The following SSBP3 variants were observed in gnomAD, a reference collection of about 807,000 sequenced individuals.
SSBP3 encodes the protein single stranded DNA binding protein 3, also known as single-stranded DNA-binding protein 3.
Under a neutral mutation model 69.6 loss-of-function variants are expected in SSBP3, and 5 were observed. The ratio of observed to expected loss-of-function variants is 0.07; its 90% CI spans 0.04 to 0.15. The LOEUF is 0.15. Among genes scored for constraint, SSBP3 ranks in the 10% least tolerant of loss-of-function variants. The pLI is 1.00. For synonymous variants in SSBP3, 196 were observed against 193.4 expected, an observed-to-expected ratio of 1.01 and a Z score of -0.11; for missense variants, 312 against 534.0, an observed-to-expected ratio of 0.58 and a Z score of 4.10.
chr1:54,357,955 T>C (rs1324588413), intron 4 of SSBP3, among the ~76,000 whole-genome samples: 1 of 152,102 alleles, frequency 6.6e-6, no homozygotes, highest in Non-Finnish European at 1.5e-5. Context: ...ACCTACACTA[T>C]ACCATCCAGG....
At chr1:54,278,907 T>C (rs1645339674) in intron 5 of SSBP3, among the ~76,000 whole-genome samples, 1 of 152,226 alleles carries the variant, frequency 6.6e-6, no homozygotes, top group African/African-American at 2.4e-5. Context: ...GGGCCAGCAA[T>C]CAATAGCTAA....
intron 4 of SSBP3, among the ~76,000 whole-genome samples, chr1:54,390,866 G>C (rs1648438054): frequency 6.6e-6 from 1 of 152,212 alleles, no homozygotes; most frequent in Non-Finnish European, 1.5e-5. Context: ...CCTCCAGAGA[G>C]AGGAGAACAT....
At chr1:54,282,619 G>T (rs751759863) in intron 4 of SSBP3, among the ~76,000 whole-genome samples, 6 of 152,138 alleles carry the variant, frequency 3.9e-5, no homozygotes, top group Non-Finnish European at 8.8e-5. Context: ...TCTGTGCCTG[G>T]CCCCGTGCTC....
chr1:54,350,896 T>C (rs1180012992), intron 4 of SSBP3, among the ~76,000 whole-genome samples: 2 of 152,136 alleles, frequency 1.3e-5, no homozygotes, highest in African/African-American at 4.8e-5. Flanking sequence ...AGTGCAGTGG[T>C]GCAATCATAG....
chr1:54,332,988 G>A (rs1261329808), intron 4 of SSBP3, among the ~76,000 whole-genome samples: 1 of 152,194 alleles, frequency 6.6e-6, no homozygotes, highest in African/African-American at 2.4e-5. Flanking sequence ...CTGTGTCACT[G>A]TCAGCAGTTC....
chr1:54,296,093 T>C (rs1437312189), intron 4 of SSBP3, among the ~76,000 whole-genome samples: 2 of 152,262 alleles, frequency 1.3e-5, no homozygotes, highest in African/African-American at 2.4e-5. Flanking sequence ...CTGGTTCTTC[T>C]GGGACATTTC....
At chr1:54,386,561 G>A (rs1028110172) in intron 4 of SSBP3, among the ~76,000 whole-genome samples, 6 of 151,798 alleles carry the variant, frequency 4.0e-5, no homozygotes, top group Non-Finnish European at 7.4e-5. Context: ...GGGAAGCAAC[G>A]ACACAGCATC....
intron 4 of SSBP3, among the ~76,000 whole-genome samples, chr1:54,384,105 C>CAAAAAAAAAAAAAA (rs34137070): frequency 9.6e-5 from 9 of 94,112 alleles, no homozygotes; most frequent in East Asian, 3.3e-4. Flanking sequence ...GACTCCATCT[C>CAAAAAAAAAAAAAA]AAAAAAAAAA....
exon 3 of SSBP3, chr1:54,404,617 G>T (rs368484186): frequency 1.9e-6 from 3 of 1,613,892 alleles, no homozygotes; most frequent in Non-Finnish European, 2.5e-6. Flanking sequence ...CTCCCAACGT[G>T]ATGTTTTTTT....
At chr1:54,240,846 T>C (rs1209240008) in intron 13 of SSBP3, 59 bp downstream of exon 13, 9 of 1,609,692 alleles carry the variant, frequency 5.6e-6, no homozygotes, top group African/African-American at 1.3e-5. Flanking sequence ...CAGGTCTCTC[T>C]GGCAACATGC....
intron 14 of SSBP3, among the ~76,000 whole-genome samples, chr1:54,234,405 T>C (rs1194564879): frequency 1.3e-5 from 2 of 150,676 alleles, no homozygotes; most frequent in South Asian, 2.1e-4. Context: ...AGGGGCAACA[T>C]AGTGAGACCT....
intron 4 of SSBP3, among the ~76,000 whole-genome samples, chr1:54,354,662 C>CT (rs1408303473): frequency 6.6e-6 from 1 of 152,114 alleles, no homozygotes; most frequent in African/African-American, 2.4e-5. Flanking sequence ...AGTAAGTACT[C>CT]TAAGCTCCTC....
chr1:54,404,428 T>C, intron 3 of SSBP3, 148 bp downstream of exon 3: 1 of 870,176 alleles, frequency 1.1e-6, no homozygotes, highest in Non-Finnish European at 1.8e-6. Context: ...CTTGGCCAGC[T>C]GGGCCGGAGT....
chr1:54,246,485 G>T (rs1486020205), intron 9 of SSBP3, among the ~76,000 whole-genome samples: 1 of 152,198 alleles, frequency 6.6e-6, no homozygotes, highest in African/African-American at 2.4e-5. Context: ...CAGAAGCCTG[G>T]TATGTCTCAG....
chr1:54,232,109 C>G (rs1644389629), intron 14 of SSBP3, among the ~76,000 whole-genome samples: 1 of 152,120 alleles, frequency 6.6e-6, no homozygotes, highest in African/African-American at 2.4e-5. Flanking sequence ...ATTTACTTTT[C>G]CATTAGATTA....
At chr1:54,349,120 T>A (rs1030195906) in intron 4 of SSBP3, among the ~76,000 whole-genome samples, 1 of 152,184 alleles carries the variant, frequency 6.6e-6, no homozygotes, top group South Asian at 2.1e-4. Flanking sequence ...GGAACATGAT[T>A]AACAAATATA....
chr1:54,379,292 T>C (rs1557578602), intron 4 of SSBP3, among the ~76,000 whole-genome samples: 1 of 152,222 alleles, frequency 6.6e-6, no homozygotes, highest in Non-Finnish European at 1.5e-5. Flanking sequence ...CCTACCTGTG[T>C]GGCCTTTTTC....
chr1:54,383,828 C>G (rs1431518884), intron 4 of SSBP3, among the ~76,000 whole-genome samples: 2 of 152,002 alleles, frequency 1.3e-5, no homozygotes, highest in Admixed American at 6.5e-5. Context: ...AAGAACCGGC[C>G]GGGCACGGTG....
chr1:54,394,327 G>A (rs1156765487), intron 4 of SSBP3, among the ~76,000 whole-genome samples: 1 of 152,112 alleles, frequency 6.6e-6, no homozygotes. Context: ...TTATATCTAT[G>A]ATAAATATAT....
Sources: allele counts gnomAD v4.1 joint callset (sites outside exome capture counted in the v4.1 genomes callset), GRCh38; gene constraint gnomAD v4.1.1; transcripts MANE v1.5; gene names NCBI Gene and HGNC (gene_info 2026-07-23, HGNC 2026-07-21).